Variants in LRCH2 observed in about 807,000 individuals in gnomAD.
The protein encoded by LRCH2 is leucine-rich repeat and calponin homology domain-containing protein 2.
Under a neutral mutation model 68.9 loss-of-function variants are expected in LRCH2, and 38 were observed. That is an observed-to-expected ratio of 0.55 (90% confidence interval 0.43 to 0.72). The LOEUF is 0.72. LRCH2 is among the 30% of genes least tolerant of loss of function. The pLI is 0.00. For missense variants in LRCH2, 528 were observed against 572.9 expected, an observed-to-expected ratio of 0.92 and a Z score of 0.80; for synonymous variants, 191 against 208.1, an observed-to-expected ratio of 0.92 and a Z score of 0.71.
chrX:115,113,564 G>A (rs2072058791), intron 20 of LRCH2, among the ~76,000 whole-genome samples: 1 of 110,978 alleles, frequency 9.0e-6, no homozygotes, highest in South Asian at 3.7e-4. Context: ...TTCCACACTT[G>A]TACCTCTTTC....
At position 115,190,153 on chromosome X, in the gene LRCH2, C is replaced by T. The variant is rs782451851; in HGVS notation, c.350-1783G>A. 2.2e-4 allele frequency: 252 copies of T among 1,162,914 alleles called. 1 individual carries two copies. Among genetic ancestry groups the T allele is most frequent in the Middle Eastern group, 9.3e-4 (4 of 4,281 alleles). On this transcript the variant is annotated intron_variant, in intron 1 of 20. Coordinates refer to ENST00000317135, the MANE Select transcript of LRCH2 (RefSeq NM_020871.4). ...GGGGCAAGATGGCTACTCAGGCCCG[C>T]GGGTCCGGGAGCCACTGCCCCCGTG... is the stretch of plus-strand genomic sequence containing the variant.
At chrX:115,166,379 T>C in intron 6 of LRCH2, 37 bp from the exon 7 acceptor site, 1 of 926,634 alleles carries the variant, frequency 1.1e-6, no homozygotes, top group Admixed American at 2.6e-5. Flanking sequence ...GTTAGGATTT[T>C]CTTCTTAAAT....
At chrX:115,126,983 C>G (rs2072205753) in intron 15 of LRCH2, 90 bp from the exon 16 acceptor site, 2 of 555,592 alleles carry the variant, frequency 3.6e-6, no homozygotes, top group South Asian at 8.2e-5. Context: ...TTGTTCTGAC[C>G]AACTACTAAA....
chrX:115,189,579 C>G, intron 1 of LRCH2: 2 of 1,172,734 alleles, frequency 1.7e-6, no homozygotes, highest in Non-Finnish European at 2.3e-6. Flanking sequence ...GAAAAACCAA[C>G]AAGTCGAGGG....
intron 1 of LRCH2, among the ~76,000 whole-genome samples, chrX:115,194,166 T>G (rs782631030): frequency 9.0e-6 from 1 of 111,477 alleles, no homozygotes; most frequent in South Asian, 3.7e-4. Context: ...GAGAGAGATA[T>G]ATATTCTCAT....
intron 11 of LRCH2, among the ~76,000 whole-genome samples, chrX:115,160,874 A>T (rs1234914452): frequency 2.7e-5 from 3 of 111,900 alleles, no homozygotes; most frequent in Admixed American, 9.5e-5. Flanking sequence ...TAAACTAAAA[A>T]TTTTAAGTCC....
intron 2 of LRCH2, 107 bp downstream of exon 2, chrX:115,188,119 T>G: frequency 2.0e-6 from 1 of 512,046 alleles, no homozygotes; most frequent in Non-Finnish European, 3.0e-6. Context: ...AAGATACTGT[T>G]GAGATAAATT....
At chrX:115,202,037 T>C (rs1359743826) in intron 1 of LRCH2, among the ~76,000 whole-genome samples, 7 of 112,060 alleles carry the variant, frequency 6.2e-5, no homozygotes, top group African/African-American at 1.9e-4. Context: ...CTCATGCTCA[T>C]GGATCAGAAG....
At chrX:115,130,229 T>TG in intron 14 of LRCH2, 30 bp from the exon 15 acceptor site, 1 of 846,540 alleles carries the variant, frequency 1.2e-6, no homozygotes, top group Non-Finnish European at 1.7e-6. Flanking sequence ...CATAATTTAT[T>TG]TTCCCTTGAA....
At chrX:115,113,382 A>G (rs2072057622) in intron 20 of LRCH2, 47 bp from the exon 21 acceptor site, 2 of 1,022,151 alleles carry the variant, frequency 2.0e-6, no homozygotes, top group African/African-American at 1.9e-5. Context: ...TTAGAAGTGT[A>G]ATAAAATTAA....
intron 1 of LRCH2, among the ~76,000 whole-genome samples, chrX:115,232,052 G>A (rs2073156028): frequency 9.0e-6 from 1 of 110,994 alleles, no homozygotes; most frequent in East Asian, 2.8e-4. Flanking sequence ...ACAAAGATGA[G>A]GCAGAAATGC....
intron 1 of LRCH2, among the ~76,000 whole-genome samples, chrX:115,219,402 A>G (rs1410492730): frequency 1.6e-5 from 1 of 62,781 alleles, no homozygotes; most frequent in African/African-American, 5.3e-5. Flanking sequence ...AAAAGTAATG[A>G]CAAATTCCAC....
chrX:115,167,822 ACACAAGGC>A (rs2072575940), intron 6 of LRCH2, among the ~76,000 whole-genome samples: 1 of 111,709 alleles, frequency 9.0e-6, no homozygotes. Context: ...TAAATAACTT[ACACAAGGC>A]CACAGAGAAA....
chrX:115,169,265 C>A (rs782014305), intron 6 of LRCH2, among the ~76,000 whole-genome samples: 2 of 111,871 alleles, frequency 1.8e-5, no homozygotes, highest in Non-Finnish European at 3.8e-5. Context: ...TGACATTCAA[C>A]AAAACATAAC....
intron 1 of LRCH2, chrX:115,190,272 C>A (rs964826250): frequency 1.6e-5 from 18 of 1,151,090 alleles, no homozygotes; most frequent in Non-Finnish European, 2.1e-5. Flanking sequence ...CCTTGAGAGG[C>A]GACGGCAACC....
chrX:115,125,617 A>ATG lies in LRCH2; in HGVS notation c.1791+1224_1791+1225dup, dbSNP rs1556527624. Among the ~76,000 whole-genome samples the ATG allele has an allele frequency of 8.7e-5, 7 of 80,819 alleles. 2 individuals carry two copies. Among genetic ancestry groups the ATG allele is most frequent in the South Asian group, 6.1e-4 (1 of 1,646 alleles). The allele number at this position is 80,819 out of a possible 115,157, so 70.2% of individuals were successfully genotyped here. On this transcript the variant is annotated intron_variant, in intron 16 of 20. Coordinates refer to ENST00000317135, the MANE Select transcript of LRCH2 (RefSeq NM_020871.4). ...TACACATATATATACGTATATATAT[A>ATG]TGTATATATATACATATATATACAT...
chrX:115,226,067 A>AT (rs2073117047), intron 1 of LRCH2, among the ~76,000 whole-genome samples: 1 of 111,600 alleles, frequency 9.0e-6, no homozygotes, highest in Non-Finnish European at 1.9e-5. Context: ...TATACACAAG[A>AT]GAAATCCTTG....
intron 5 of LRCH2, among the ~76,000 whole-genome samples, chrX:115,172,982 A>G (rs972019614): frequency 1.8e-5 from 2 of 110,679 alleles, no homozygotes; most frequent in African/African-American, 3.3e-5. Context: ...CTCACATTTG[A>G]TGACAGTTTG....
intron 1 of LRCH2, among the ~76,000 whole-genome samples, chrX:115,206,116 T>C (rs1556567945): frequency 8.9e-6 from 1 of 111,992 alleles, no homozygotes; most frequent in Non-Finnish European, 1.9e-5. Context: ...CCCCTCCAAA[T>C]AAAAGATTAT....
Sources: gnomAD v4.1 joint callset for allele counts (sites outside exome capture counted in the v4.1 genomes callset) on GRCh38, gnomAD v4.1.1 for gene constraint, MANE v1.5 for transcripts, NCBI Gene and HGNC (gene_info 2026-07-23, HGNC 2026-07-21) for gene names.